ATXN1: variants seen among roughly 807,000 people sequenced by gnomAD.
The protein encoded by ATXN1 is ataxin-1.
Under a neutral mutation model 56.4 loss-of-function variants are expected in ATXN1, and 8 were observed. The observed-to-expected ratio is 0.14, with a 90% confidence interval of 0.08 to 0.26. The LOEUF (loss-of-function observed/expected upper bound fraction) is 0.26. Ranked by LOEUF, ATXN1 falls within the 10% of genes least tolerant of loss-of-function variation. The pLI is 1.00. For missense variants in ATXN1, 987 were observed against 1,106.5 expected (o/e 0.89, Z 1.53); for synonymous variants, 514 against 494.6 (o/e 1.04, Z -0.52).
chr6:16,393,182 T>C (rs1054768419), intron 6 of ATXN1, among the ~76,000 whole-genome samples: 1 of 152,242 alleles, frequency 6.6e-6, no homozygotes, highest in African/African-American at 2.4e-5. Flanking sequence ...CACAAAATAG[T>C]GTATGACTTA....
chr6:16,715,731 A>G (rs946496021), intron 2 of ATXN1, among the ~76,000 whole-genome samples: 2 of 152,186 alleles, frequency 1.3e-5, no homozygotes, highest in Non-Finnish European at 2.9e-5. Context: ...GTGGTCTCCC[A>G]TATGTTTTGG....
rs757344496 is a variant in ATXN1, at chr6:16,753,854, A to C, written c.-729-507T>G. On this transcript the variant is annotated intron_variant, in intron 1 of 7. Transcript: ENST00000436367. ...GAAGAAAGGAAAAAATGCAGAAAAA[A>C]AGTGTAAAGTGTGCATTTATATTCA... 2.6e-5 allele frequency among the ~76,000 whole-genome samples: 4 copies of C among 151,910 alleles called. No individual in the cohort carries two copies. In the South Asian group the frequency reaches 6.3e-4, roughly 24 times the overall value.
At chr6:16,584,213 C>T (rs186547859) in intron 4 of ATXN1, among the ~76,000 whole-genome samples, 7 of 66,534 alleles carry the variant, frequency 1.1e-4, no homozygotes, top group African/African-American at 1.6e-4. Context: ...ATCATGTTCC[C>T]GATATTGGAC....
At chr6:16,436,773 C>G (rs1759401130) in intron 6 of ATXN1, among the ~76,000 whole-genome samples, 1 of 152,136 alleles carries the variant, frequency 6.6e-6, no homozygotes, top group South Asian at 2.1e-4. Context: ...GAGGTCCTTA[C>G]TCTGAGTGAG....
At chr6:16,486,255 C>T (rs1166008690) in intron 5 of ATXN1, 146 bp from the exon 6 acceptor site, 1 of 152,224 alleles carries the variant, frequency 6.6e-6, no homozygotes, top group East Asian at 1.9e-4. Context: ...GTTCAATGTT[C>T]TTGCTCTTTT....
intron 3 of ATXN1, chr6:16,615,113 T>C (rs893206065): frequency 1.4e-5 from 2 of 147,908 alleles, no homozygotes; most frequent in African/African-American, 5.0e-5. Context: ...TCTAATAACT[T>C]TGGGGACAGG....
chr6:16,354,489 C>T (rs1761643551), intron 6 of ATXN1, among the ~76,000 whole-genome samples: 1 of 152,122 alleles, frequency 6.6e-6, no homozygotes, highest in African/African-American at 2.4e-5. Flanking sequence ...AATCTCCTGA[C>T]CTCCTGATCT....
intron 2 of ATXN1, among the ~76,000 whole-genome samples, chr6:16,702,782 T>C (rs1009424475): frequency 6.6e-6 from 1 of 152,130 alleles, no homozygotes; most frequent in African/African-American, 2.4e-5. Flanking sequence ...CACAATGACA[T>C]ACCATCTCAC....
At chr6:16,532,166 G>A (rs1025203787) in intron 4 of ATXN1, among the ~76,000 whole-genome samples, 9 of 152,204 alleles carry the variant, frequency 5.9e-5, no homozygotes, top group African/African-American at 2.2e-4. Flanking sequence ...TCAATACCTG[G>A]TCTAGAATAT....
chr6:16,632,295 C>T (rs141064654), intron 3 of ATXN1, among the ~76,000 whole-genome samples: 24 of 152,282 alleles, frequency 1.6e-4, no homozygotes, highest in Middle Eastern at 3.4e-3. Context: ...GACCTTGCAA[C>T]GTTTGCTCGT....
intron 6 of ATXN1, among the ~76,000 whole-genome samples, chr6:16,399,697 A>G (rs751995885): frequency 3.3e-5 from 5 of 152,152 alleles, no homozygotes; most frequent in Non-Finnish European, 5.9e-5. Context: ...GATTGTCACA[A>G]CTGCCGGGTG....
At position 16,753,155 on chromosome 6, in the gene ATXN1, G is replaced by A. The variant is rs1046740763; in HGVS notation, c.-615+78C>T. The A allele has an allele frequency of 1.6e-5, 7 of 443,294 alleles. 1 individual carries two copies. The highest frequency in any genetic ancestry group is 2.7e-5 in the Non-Finnish European group (6 of 218,754). The allele number at this position is 443,294 out of a possible 1,614,324, so 27.5% of individuals were successfully genotyped here. Reference sequence around the variant, plus strand: ...ATATTCAACAGCCAACAAAGTAAGGGAGCATGGCTAGGAGGCAATTTTCCA... The same window carrying A: ...ATATTCAACAGCCAACAAAGTAAGGAAGCATGGCTAGGAGGCAATTTTCCA... On this transcript the variant is annotated intron_variant, in intron 2 of 7. Coordinates refer to ENST00000436367, the MANE Select transcript of ATXN1 (RefSeq NM_001128164.2).
chr6:16,711,179 G>GA lies in ATXN1; in HGVS notation c.-615+42053dup, dbSNP rs539134378. On this transcript the variant is annotated intron_variant, in intron 2 of 7. Coordinates refer to ENST00000436367, the MANE Select transcript of ATXN1 (RefSeq NM_001128164.2). ...AAAGGTGTGATGGCAATTTCATAAGGAAAAAAAATCACTTCAATAATTGTT... is the reference window on the plus strand; with the variant it reads ...AAAGGTGTGATGGCAATTTCATAAGGAAAAAAAAATCACTTCAATAATTGTT... Among the ~76,000 whole-genome samples, 43 of 151,776 alleles carry GA rather than the reference G, an allele frequency of 2.8e-4. No homozygotes were observed. In the South Asian group the frequency reaches 6.2e-3, roughly 22 times the overall value.
At chr6:16,645,210 A>G (rs1763780800) in intron 3 of ATXN1, among the ~76,000 whole-genome samples, 2 of 152,158 alleles carry the variant, frequency 1.3e-5, no homozygotes, top group Admixed American at 6.5e-5. Context: ...CCTGCTAGGT[A>G]CTCACGCCCA....
chr6:16,601,459 G>A (rs1362045723), intron 3 of ATXN1, among the ~76,000 whole-genome samples: 1 of 152,028 alleles, frequency 6.6e-6, no homozygotes, highest in Non-Finnish European at 1.5e-5. Flanking sequence ...ATTTCCAGGG[G>A]ACTTTGAGTT....
At chr6:16,418,561 T>C (rs1412778733) in intron 6 of ATXN1, among the ~76,000 whole-genome samples, 1 of 152,092 alleles carries the variant, frequency 6.6e-6, no homozygotes, top group Non-Finnish European at 1.5e-5. Flanking sequence ...TTTTATTTTA[T>C]TTTATTATTA....
At chr6:16,351,916 T>C (rs894373896) in intron 6 of ATXN1, among the ~76,000 whole-genome samples, 14 of 152,220 alleles carry the variant, frequency 9.2e-5, no homozygotes, top group African/African-American at 3.4e-4. Flanking sequence ...GTGAGGTCTC[T>C]CTTTCAGTAT....
chr6:16,487,722 G>A (rs1760577902), intron 5 of ATXN1, among the ~76,000 whole-genome samples: 1 of 152,140 alleles, frequency 6.6e-6, no homozygotes, highest in Admixed American at 6.5e-5. Flanking sequence ...ATGAGTTTTA[G>A]GAGATGCATA....
intron 4 of ATXN1, among the ~76,000 whole-genome samples, chr6:16,529,804 C>T (rs1761467330): frequency 6.6e-6 from 1 of 152,134 alleles, no homozygotes. Flanking sequence ...CTATGAGGAG[C>T]ACTTTTCACA....
Sources: gnomAD v4.1 joint callset for allele counts (sites outside exome capture counted in the v4.1 genomes callset) on GRCh38, gnomAD v4.1.1 for gene constraint, MANE v1.5 for transcripts, NCBI Gene and HGNC (gene_info 2026-07-23, HGNC 2026-07-21) for gene names.